Variants in SORBS3 observed in about 807,000 individuals in gnomAD.
SORBS3 encodes sorbin and SH3 domain containing 3.
In SORBS3, 69 loss-of-function variants were observed where a neutral mutation model predicts 98.0. The ratio of observed to expected loss-of-function variants is 0.70; its 90% CI spans 0.58 to 0.86. The LOEUF (loss-of-function observed/expected upper bound fraction) is 0.86. Among genes scored for constraint, SORBS3 ranks in the 40% least tolerant of loss-of-function variants. The pLI is 0.00. For synonymous variants in SORBS3, 394 were observed against 355.4 expected, an observed-to-expected ratio of 1.11 and a Z score of -1.22; for missense variants, 954 against 908.5, an observed-to-expected ratio of 1.05 and a Z score of -0.64.
In SORBS3 at chr8:22,572,375, A is replaced by G. The variant is rs1371259198; in HGVS notation, c.1883A>G (p.Glu628Gly). Reference sequence around the variant, plus strand: ...ATGTACCAGTACAGGCCCCAGAACGAAGACGAGCTGGAGCTGCGCGAGGGG... The same window carrying G: ...ATGTACCAGTACAGGCCCCAGAACGGAGACGAGCTGGAGCTGCGCGAGGGG... The part of the protein sequence containing the change: ...RAMYQYRPQN[E>G]DELELREGDR... The change falls in exon 20 of 21, where the codon GAA becomes GGA. Residue 628 changes from glutamate (E) to glycine (G), a missense_variant. Glu to Gly is a moderately conservative substitution (Grantham distance 98). Coordinates refer to ENST00000240123, the MANE Select transcript of SORBS3 (RefSeq NM_005775.5). 13 of 1,613,966 alleles carry G rather than the reference A, an allele frequency of 8.1e-6. No homozygotes were observed. Among genetic ancestry groups the G allele is most frequent in the Admixed American group, 3.3e-5 (2 of 60,010 alleles).
Position 22,554,521 on chromosome 8 carries a change from C to A in SORBS3, c.15C>A (p.Pro5=). 6.2e-7 allele frequency: 1 copy of A among 1,612,174 alleles called. No homozygotes were observed. The highest frequency in any genetic ancestry group is 1.1e-5 in the South Asian group (1 of 91,060). ...TTGACCCAAGCATGCAGGGCCCACC[C>A]CGCAGCCTCCGCGCTGGGCTCAGCC... MQGP[P]RSLRAGLSLD... is the part of the protein sequence containing the mutation. Residue 5 remains proline (P), a synonymous_variant, in exon 2 of 21, where the codon CCC becomes CCA. Coordinates refer to ENST00000240123, the MANE Select transcript of SORBS3 (RefSeq NM_005775.5). This position sits in a 1 kb window ranked among gnomAD's most constrained non-coding sequence, Gnocchi z 6.5.
intron 7 of SORBS3, among the ~76,000 whole-genome samples, chr8:22,562,214 A>C (rs971599471): frequency 6.6e-6 from 1 of 152,048 alleles, no homozygotes; most frequent in Non-Finnish European, 1.5e-5. Flanking sequence ...AGCAGCAGGA[A>C]CTCTTTGCCC....
Position 22,571,789 on chromosome 8 carries a change from C to G in SORBS3, c.1815C>G (p.Ser605=), listed in dbSNP as rs866047334. The change falls in exon 19 of 21, where the codon TCC becomes TCG. Residue 605 remains serine, a synonymous_variant. Coordinates refer to ENST00000240123, the MANE Select transcript of SORBS3 (RefSeq NM_005775.5). ...GPSHPLDLGT[S]SPNTSQIHWT... is the part of the protein sequence containing the mutation. ...GCCATCCCCTGGACCTGGGGACCTC[C>G]TCTCCTAACACCTCTCAGATACACT... 2 of 1,613,560 alleles carry G rather than the reference C, an allele frequency of 1.2e-6. No homozygotes were observed. Among genetic ancestry groups the G allele is most frequent in the African/African-American group, 1.3e-5 (1 of 74,928 alleles).
chr8:22,563,589 G>A (rs909651486), intron 7 of SORBS3, among the ~76,000 whole-genome samples: 3 of 152,188 alleles, frequency 2.0e-5, no homozygotes, highest in African/African-American at 7.2e-5. Flanking sequence ...CACAGTCATG[G>A]GGCCAGACCA....
At chr8:22,571,555 C>T in intron 18 of SORBS3, 163 bp from the exon 19 acceptor site, 1 of 630,358 alleles carries the variant, frequency 1.6e-6, no homozygotes. Context: ...ATAGTCACAG[C>T]AGGTGTCCCT....
chr8:22,549,419 A>G (rs903234809), upstream of SORBS3, among the ~76,000 whole-genome samples: 1 of 152,200 alleles, frequency 6.6e-6, no homozygotes, highest in African/African-American at 2.4e-5. Flanking sequence ...GCGTCGGGAA[A>G]TCAGACACCT....
At chr8:22,556,580 T>A (rs1186770959) in intron 3 of SORBS3, 135 bp from the exon 4 acceptor site, 2 of 724,800 alleles carry the variant, frequency 2.8e-6, no homozygotes, top group African/African-American at 3.5e-5. Flanking sequence ...GTGCTCTGAG[T>A]CATCCACTCA....
At chr8:22,559,102 A>G (rs1840243687) in intron 5 of SORBS3, among the ~76,000 whole-genome samples, 2 of 152,198 alleles carry the variant, frequency 1.3e-5, no homozygotes. Flanking sequence ...GTAATGGCTG[A>G]AAAGATTGTG....
chr8:22,556,078 T>C (rs905830257), intron 3 of SORBS3, among the ~76,000 whole-genome samples: 3 of 152,208 alleles, frequency 2.0e-5, no homozygotes, highest in Non-Finnish European at 4.4e-5. Flanking sequence ...CTTGTACATC[T>C]GGCCTCAAAG....
intron 1 of SORBS3, among the ~76,000 whole-genome samples, chr8:22,552,232 G>T (rs1197841526): frequency 6.6e-6 from 1 of 152,236 alleles, no homozygotes; most frequent in Admixed American, 6.5e-5. Flanking sequence ...ACCTGGGAAA[G>T]CTCTTAGGGC....
intron 17 of SORBS3, among the ~76,000 whole-genome samples, chr8:22,570,474 G>T (rs959800886): frequency 1.3e-5 from 2 of 152,180 alleles, no homozygotes; most frequent in African/African-American, 4.8e-5. Context: ...TGTTGATCTC[G>T]TTCACACCTC....
In SORBS3 at chr8:22,570,974, C is replaced by T. The variant is rs762023686; in HGVS notation, c.1496C>T (p.Thr499Met). The change falls in exon 18 of 21, where the codon ACG becomes ATG. Residue 499 changes from threonine (T) to methionine (M), a missense_variant. Thr to Met is a moderately conservative substitution (Grantham distance 81, BLOSUM62 -1). Transcript: ENST00000240123. ...TGGTACGAGGGACGCATCACGGGCA[C>T]GGGGCGCCAAGGCATATTCCCTGCC... The part of the protein sequence containing the change: ...ENWYEGRITG[T>M]GRQGIFPASY... The T allele has an allele frequency of 1.4e-5, 22 of 1,613,352 alleles. No individual in the cohort carries two copies. Among genetic ancestry groups the T allele is most frequent in the South Asian group, 3.3e-5 (3 of 91,058 alleles).
chr8:22,570,017 A>G (rs1563837275), intron 17 of SORBS3, among the ~76,000 whole-genome samples: 1 of 152,198 alleles, frequency 6.6e-6, no homozygotes. Flanking sequence ...GTGTATGCAC[A>G]TATATATGTA....
chr8:22,573,403 C>T (rs187061919), intron 20 of SORBS3: 15 of 456,248 alleles, frequency 3.3e-5, no homozygotes, highest in Admixed American at 2.1e-4. Context: ...GAGGAATGGG[C>T]GAGACCTGTG....
intron 5 of SORBS3, among the ~76,000 whole-genome samples, chr8:22,560,056 C>CAA (rs968530613): frequency 1.5e-3 from 148 of 96,690 alleles, no homozygotes; most frequent in Non-Finnish European, 1.7e-3. Flanking sequence ...GACTCAGTCT[C>CAA]AAAAAAAAAA....
In SORBS3 at chr8:22,570,913, G is replaced by A; in HGVS notation, c.1435G>A (p.Glu479Lys). The A allele has an allele frequency of 6.3e-7, 1 of 1,593,434 alleles. No individual in the cohort carries two copies. The highest frequency in any genetic ancestry group is 8.6e-7 in the Non-Finnish European group (1 of 1,166,422). ...LEVELSFRKG[E>K]HICLIRKVNE... Reference sequence around the variant, plus strand: ...ACACTGACTTTTCCCCCCTCAGGGAGAGCACATCTGCCTGATCCGCAAGGT... The same window carrying A: ...ACACTGACTTTTCCCCCCTCAGGGAAAGCACATCTGCCTGATCCGCAAGGT... Residue 479 changes from glutamate (E) to lysine (K), a missense_variant, in exon 18 of 21, where the codon GAG (glutamate) becomes AAG (lysine). Transcript: ENST00000240123.
At chr8:22,547,756 GA>G (rs1197672567), upstream of SORBS3, among the ~76,000 whole-genome samples, 2 of 152,212 alleles carry the variant, frequency 1.3e-5, no homozygotes, top group Non-Finnish European at 2.9e-5. Context: ...TGAGAACTAA[GA>G]GAGGTTCACC....
chr8:22,564,188 A>G (rs1586898585), intron 8 of SORBS3, 95 bp from the exon 9 acceptor site: 1 of 1,486,148 alleles, frequency 6.7e-7, no homozygotes, highest in Non-Finnish European at 9.3e-7. Flanking sequence ...CCGTGGGCCC[A>G]GGGGAAGGGC....
Position 22,572,578 on chromosome 8 carries a change from T to TG in SORBS3, c.1954+139dup, listed in dbSNP as rs577038864. 367 of 712,024 alleles carry TG rather than the reference T, an allele frequency of 5.2e-4. 1 individual carries two copies. The African/African-American group carries it at 5.4e-3, about 11-fold the overall frequency. 44.1% of individuals were successfully genotyped at this position (712,024 alleles called of 1,614,324 possible). A position where few individuals can be genotyped will look rare whatever the true frequency, so the allele number is the denominator to read the frequency against. ...CCGACTCAGCTTCCGGCCGGGCTAC[T>TG]GGGGGGGCCTGGCACCCGATGCTTC... On this transcript the variant is annotated intron_variant, in intron 20 of 20. Coordinates refer to ENST00000240123, the MANE Select transcript of SORBS3 (RefSeq NM_005775.5).
Sources: allele counts gnomAD v4.1 joint callset (sites outside exome capture counted in the v4.1 genomes callset), GRCh38; gene constraint gnomAD v4.1.1; non-coding constraint Gnocchi (gnomAD v3.1); transcripts MANE v1.5; gene names NCBI Gene and HGNC (gene_info 2026-07-23, HGNC 2026-07-21).